RMND1: variants seen among roughly 807,000 people sequenced by gnomAD.
RMND1 encodes the protein required for meiotic nuclear division protein 1 homolog.
RMND1 carries 41 observed loss-of-function variants against 54.0 expected under a neutral mutation model. The observed-to-expected ratio is 0.76, with a 90% CI of 0.59 to 0.98. The LOEUF (loss-of-function observed/expected upper bound fraction) is 0.98. Ranked by LOEUF, RMND1 falls within the 50% of genes least tolerant of loss-of-function variation. RMND1 has a pLI of 0.00. For missense variants in RMND1, 457 were observed against 532.0 expected (o/e 0.86, Z 1.39); for synonymous variants, 183 against 181.7 (o/e 1.01, Z -0.06).
chr6:151,436,359 G>A, intron 3 of RMND1, 87 bp downstream of exon 3: 1 of 1,452,916 alleles, frequency 6.9e-7, no homozygotes. Flanking sequence ...AAAATGAATT[G>A]CAAACAAATA....
intron 10 of RMND1, among the ~76,000 whole-genome samples, chr6:151,407,537 A>G (rs781769797): frequency 2.0e-5 from 3 of 152,108 alleles, no homozygotes; most frequent in African/African-American, 7.2e-5. Context: ...TAAACGTCCC[A>G]AAGTCTATTA....
intron 10 of RMND1, among the ~76,000 whole-genome samples, chr6:151,410,268 G>C (rs759216577): frequency 2.0e-5 from 3 of 152,048 alleles, no homozygotes; most frequent in African/African-American, 7.2e-5. Context: ...TGTTAGCCAG[G>C]ATGGTCTGGA....
intron 1 of RMND1, among the ~76,000 whole-genome samples, chr6:151,451,064 C>T (rs896604751): frequency 3.9e-5 from 6 of 152,212 alleles, no homozygotes; most frequent in South Asian, 2.1e-4. Flanking sequence ...ACAAACACTG[C>T]GGAAGGCCGC....
chr6:151,423,775 C>T (rs1277975486), intron 6 of RMND1, 144 bp from the exon 7 acceptor site: 5 of 632,806 alleles, frequency 7.9e-6, no homozygotes, highest in Non-Finnish European at 1.4e-5. Flanking sequence ...ATCCTTTGGT[C>T]CAGGTAATTC....
At chr6:151,449,060 C>CAAAAAAAAAAAA (rs71014585) in intron 1 of RMND1, among the ~76,000 whole-genome samples, 3 of 18,678 alleles carry the variant, frequency 1.6e-4, no homozygotes, top group African/African-American at 7.5e-4. Flanking sequence ...GACTCTGTCT[C>CAAAAAAAAAAAA]AAAAAAAAAA....
intron 2 of RMND1, 47 bp from the exon 3 acceptor site, chr6:151,436,601 C>A: frequency 6.2e-7 from 1 of 1,601,256 alleles, no homozygotes; most frequent in Non-Finnish European, 8.5e-7. Context: ...GAGGCTGAAG[C>A]ATCTGTGACG....
chr6:151,421,357 TG>T, intron 8 of RMND1, 36 bp from the exon 9 acceptor site: 2 of 1,478,704 alleles, frequency 1.4e-6, no homozygotes, highest in Non-Finnish European at 9.4e-7. Context: ...CAAAAAACCA[TG>T]TATCTCTCTT....
In RMND1 at chr6:151,433,232, TG is replaced by T; in HGVS notation, c.614-3del. The T allele has an allele frequency of 6.2e-7, 1 of 1,607,112 alleles. No homozygotes were observed. Among genetic ancestry groups the T allele is most frequent in the East Asian group, 2.2e-5 (1 of 44,760 alleles). ...CCATCACCAAAATATTTGCTGCATC[TG>T]TGATTTAAAATAAACGAACAAAAAA... On this transcript the variant is annotated splice_polypyrimidine_tract_variant and splice_region_variant and intron_variant, in intron 3 of 11. Coordinates refer to ENST00000444024, the MANE Select transcript of RMND1 (RefSeq NM_017909.4).
At chr6:151,424,468 A>G (rs1780240269) in intron 6 of RMND1, among the ~76,000 whole-genome samples, 1 of 151,972 alleles carries the variant, frequency 6.6e-6, no homozygotes, top group Non-Finnish European at 1.5e-5. Context: ...GTCTCCAAAA[A>G]AAAAAAAAAG....
rs779381285 is a variant in RMND1, at chr6:151,445,328, G to A, written c.484C>T (p.Pro162Ser). 5.6e-6 allele frequency: 9 copies of A among 1,611,244 alleles called. No homozygotes were observed. Among genetic ancestry groups the A allele is most frequent in the Non-Finnish European group, 7.6e-6 (9 of 1,178,910 alleles). ...RTRQPSRTNL[P>S]VLSVNEDLMH... ...TTTACCTCGTTCACAGACAGAACTG[G>A]AAGGTTGGTCCTGGATGGCTGTCTG... The change falls in exon 2 of 12, where the codon CCA becomes TCA. Residue 162 changes from proline to serine, a missense_variant. Transcript: ENST00000444024.
intron 10 of RMND1, among the ~76,000 whole-genome samples, chr6:151,414,697 G>GAATC (rs1262530520): frequency 6.6e-6 from 1 of 152,166 alleles, no homozygotes; most frequent in Admixed American, 6.5e-5. Flanking sequence ...ACAGAGGAAG[G>GAATC]AATCAATCAA....
rs1353841742 is a variant in RMND1, at chr6:151,417,273, A to G, written c.1200+6T>C. On this transcript the variant is annotated splice_donor_region_variant and intron_variant, in intron 10 of 11. Transcript: ENST00000444024. ...TTTTCTCTCATTAGAAGTGCAAAATACGTACCTTAACTCTTCGGCCAATGC... is the reference window on the plus strand; with the variant it reads ...TTTTCTCTCATTAGAAGTGCAAAATGCGTACCTTAACTCTTCGGCCAATGC... The G allele has an allele frequency of 6.2e-7, 1 of 1,602,712 alleles. No homozygotes were observed. The highest frequency in any genetic ancestry group is 8.5e-7 in the Non-Finnish European group (1 of 1,177,258).
chr6:151,427,561 G>C lies in RMND1; in HGVS notation c.751C>G (p.Leu251Val). Residue 251 changes from leucine (L) to valine (V), a missense_variant, in exon 6 of 12, where the codon CTA (leucine) becomes GTA (valine). By Grantham distance (32) the Leu-to-Val change is conservative (BLOSUM62 1). Coordinates refer to ENST00000444024, the MANE Select transcript of RMND1 (RefSeq NM_017909.4). ...DKTMKHVMKV[L>V]EKHEIQPYEI... ...TAGGGCTGAATTTCATGTTTTTCTA[G>C]AACTTTCATCACATGCTTCATCTAG... is the stretch of plus-strand genomic sequence containing the variant. The C allele has an allele frequency of 6.2e-7, 1 of 1,609,680 alleles. No individual in the cohort carries two copies. The highest frequency in any genetic ancestry group is 8.5e-7 in the Non-Finnish European group (1 of 1,176,584).
chr6:151,435,388 C>T (rs1304229651), intron 3 of RMND1, among the ~76,000 whole-genome samples: 1 of 151,948 alleles, frequency 6.6e-6, no homozygotes. Flanking sequence ...TCAAATGATC[C>T]ACCCACCTCA....
At chr6:151,427,125 T>C (rs1780320756) in intron 6 of RMND1, among the ~76,000 whole-genome samples, 1 of 148,740 alleles carries the variant, frequency 6.7e-6, no homozygotes, top group African/African-American at 2.5e-5. Context: ...ACGCCTGTAA[T>C]CCCAGCACTT....
chr6:151,445,020 C>T (rs1780911259), intron 2 of RMND1: 1 of 311,420 alleles, frequency 3.2e-6, no homozygotes, highest in Non-Finnish European at 5.8e-6. Flanking sequence ...TTAGACTGGA[C>T]TTAATATTGG....
In RMND1 at chr6:151,405,836, C is replaced by T. The variant is rs760172783; in HGVS notation, c.1201G>A (p.Val401Ile). The T allele has an allele frequency of 3.9e-6, 6 of 1,549,164 alleles. No individual in the cohort carries two copies. In the African/African-American group the frequency reaches 4.1e-5, roughly 11 times the overall value. The stretch of plus-strand genomic sequence containing the variant: ...CAGTGCTGAAGTTTTTCATTCATGA[C>T]CTATGTAAGAAAAATTTCAGTAACA... ...QFLSIGRRVKVMNEKLQHCME... is the reference protein window; with the variant it reads ...QFLSIGRRVKIMNEKLQHCME... The change falls in exon 11 of 12, where the codon GTC becomes ATC. Residue 401 changes from valine (V) to isoleucine (I), a missense_variant and splice_region_variant. By Grantham distance (29) the Val-to-Ile change is conservative. Coordinates refer to ENST00000444024, the MANE Select transcript of RMND1 (RefSeq NM_017909.4).
rs2114908214 is a variant in RMND1, at chr6:151,405,731, T to C, written c.1306A>G (p.Ile436Val). Residue 436 changes from isoleucine to valine, a missense_variant, in exon 11 of 12, where the codon ATT (isoleucine) becomes GTT (valine). Coordinates refer to ENST00000444024, the MANE Select transcript of RMND1 (RefSeq NM_017909.4). Reference protein sequence around the residue: ...LRLEWMIVILITIEVMFELGR... With the variant: ...LRLEWMIVILVTIEVMFELGR... ...CATTTCCATCTTACCTCTATGGTAA[T>C]GAGGATGACAATCATCCACTCCAAG... The C allele has an allele frequency of 6.6e-7, 1 of 1,509,686 alleles. No homozygotes were observed. The highest frequency in any genetic ancestry group is 1.1e-5 in the South Asian group (1 of 88,916). 93.5% of individuals were successfully genotyped at this position (1,509,686 alleles called of 1,614,324 possible). A position where few individuals can be genotyped will look rare whatever the true frequency, so the allele number is the denominator to read the frequency against.
At chr6:151,438,148 G>T (rs1266947105) in intron 2 of RMND1, among the ~76,000 whole-genome samples, 1 of 152,188 alleles carries the variant, frequency 6.6e-6, no homozygotes, top group Non-Finnish European at 1.5e-5. Flanking sequence ...TTAGACCTGT[G>T]AGCACTAGTT....
Sources: allele counts gnomAD v4.1 joint callset (sites outside exome capture counted in the v4.1 genomes callset), GRCh38; gene constraint gnomAD v4.1.1; transcripts MANE v1.5; gene names NCBI Gene and HGNC (gene_info 2026-07-23, HGNC 2026-07-21).